LRFN5: variants seen among roughly 807,000 people sequenced by gnomAD.
The protein encoded by LRFN5 is leucine-rich repeat and fibronectin type-III domain-containing protein 5.
A neutral mutation model predicts 45.6 loss-of-function variants in LRFN5; 24 were observed. The ratio of observed to expected loss-of-function variants is 0.53; its 90% CI spans 0.38 to 0.74. The LOEUF (loss-of-function observed/expected upper bound fraction) is 0.74. Ranked by LOEUF, LRFN5 falls within the 30% of genes least tolerant of loss-of-function variation. The pLI is 0.00. For synonymous variants in LRFN5, 340 were observed against 313.8 expected, an observed-to-expected ratio of 1.08 and a Z score of -0.88; for missense variants, 776 against 861.5, an observed-to-expected ratio of 0.90 and a Z score of 1.24.
At chr14:41,700,243 A>G (rs938691082) in intron 1 of LRFN5, 1 of 152,100 alleles carries the variant, frequency 6.6e-6, no homozygotes, top group Non-Finnish European at 1.5e-5. Flanking sequence ...TTGACTATTA[A>G]TATTAGGAGA....
chr14:41,878,118 G>C (rs1243107085), intron 2 of LRFN5, among the ~76,000 whole-genome samples: 1 of 151,972 alleles, frequency 6.6e-6, no homozygotes, highest in Non-Finnish European at 1.5e-5. Flanking sequence ...AAAAAAGTTA[G>C]ACAGAAAACC....
intron 4 of LRFN5, chr14:41,892,331 A>G (rs34852277): frequency 1.0e-3 from 1,001 of 973,876 alleles, no homozygotes; most frequent in Non-Finnish European, 1.1e-3. Context: ...ATATGTATGT[A>G]TGTATATGTA....
At chr14:41,894,418 A>G in intron 4 of LRFN5, 1 of 887,310 alleles carries the variant, frequency 1.1e-6, no homozygotes. Flanking sequence ...GATTTAATAT[A>G]TTTTTAATAT....
intron 1 of LRFN5, among the ~76,000 whole-genome samples, chr14:41,756,054 G>T (rs1307306479): frequency 6.6e-6 from 1 of 152,060 alleles, no homozygotes; most frequent in Non-Finnish European, 1.5e-5. Flanking sequence ...TGGAATTCTG[G>T]GTTGAAAATT....
chr14:41,635,478 T>C (rs1879260483), intron 1 of LRFN5, among the ~76,000 whole-genome samples: 1 of 152,124 alleles, frequency 6.6e-6, no homozygotes, highest in South Asian at 2.1e-4. Flanking sequence ...GTTATATCCT[T>C]GAGAACTACA....
intron 1 of LRFN5, among the ~76,000 whole-genome samples, chr14:41,715,390 G>A (rs1433086695): frequency 6.6e-6 from 1 of 152,122 alleles, no homozygotes; most frequent in African/African-American, 2.4e-5. Context: ...TAACAATGTA[G>A]AACATTCTAT....
chr14:41,897,962 G>A (rs1456928387), intron 4 of LRFN5, among the ~76,000 whole-genome samples: 1 of 151,898 alleles, frequency 6.6e-6, no homozygotes, highest in Non-Finnish European at 1.5e-5. Flanking sequence ...GTAAAATCAA[G>A]GAGCTTATGA....
intron 1 of LRFN5, among the ~76,000 whole-genome samples, chr14:41,638,193 G>T (rs1432017316): frequency 6.6e-6 from 1 of 151,930 alleles, no homozygotes; most frequent in Non-Finnish European, 1.5e-5. Context: ...GGACCTCCAG[G>T]ATTTCTGCCA....
At chr14:41,778,774 T>A (rs904341335) in intron 2 of LRFN5, among the ~76,000 whole-genome samples, 1 of 151,770 alleles carries the variant, frequency 6.6e-6, no homozygotes, top group Non-Finnish European at 1.5e-5. Context: ...ACCATTTCTT[T>A]GTTTTTTTAG....
chr14:41,797,892 T>C (rs1183304617), intron 2 of LRFN5, among the ~76,000 whole-genome samples: 2 of 151,946 alleles, frequency 1.3e-5, no homozygotes, highest in Non-Finnish European at 2.9e-5. Flanking sequence ...TTTTTAATGT[T>C]TGGATTTCTT....
chr14:41,623,306 G>A lies in LRFN5; in HGVS notation c.-197+14744G>A, dbSNP rs187595237. 2.2e-3 allele frequency among the ~76,000 whole-genome samples: 332 copies of A among 152,166 alleles called. 1 individual carries two copies. The highest frequency in any genetic ancestry group is 7.4e-3 in the African/African-American group (306 of 41,520). On this transcript the variant is annotated intron_variant, in intron 1 of 5. Coordinates refer to ENST00000298119, the MANE Select transcript of LRFN5 (RefSeq NM_152447.5). ...TCCCATACCTGCCACCTTGTGAAGCGGCTGCTTTGCTTTCCCGTAACTTTC... is the reference window on the plus strand; with the variant it reads ...TCCCATACCTGCCACCTTGTGAAGCAGCTGCTTTGCTTTCCCGTAACTTTC...
intron 1 of LRFN5, among the ~76,000 whole-genome samples, chr14:41,649,070 A>G (rs1879959008): frequency 6.6e-6 from 1 of 152,040 alleles, no homozygotes; most frequent in African/African-American, 2.4e-5. Context: ...CGTCTCTACT[A>G]AAAAAATACA....
At chr14:41,846,297 A>G (rs1378168160) in intron 2 of LRFN5, among the ~76,000 whole-genome samples, 1 of 152,138 alleles carries the variant, frequency 6.6e-6, no homozygotes, top group Non-Finnish European at 1.5e-5. Flanking sequence ...ATATTTGCAT[A>G]TATTTACAAA....
intron 1 of LRFN5, among the ~76,000 whole-genome samples, chr14:41,754,337 T>A (rs1183862567): frequency 6.6e-6 from 1 of 152,180 alleles, no homozygotes; most frequent in African/African-American, 2.4e-5. Flanking sequence ...TTAGAAGGAA[T>A]GGTACCAGCT....
At position 41,856,675 on chromosome 14, in the gene LRFN5, A is replaced by ATTATTATTATTATTTTTTTTTTTTTT; in HGVS notation, c.-20-29929_-20-29928insATTATTATTATTTTTTTTTTTTTTTT. Among the ~76,000 whole-genome samples the ATTATTATTATTATTTTTTTTTTTTTT allele has an allele frequency of 1.9e-3, 34 of 18,324 alleles. 1 individual carries two copies. Among genetic ancestry groups the ATTATTATTATTATTTTTTTTTTTTTT allele is most frequent in the Admixed American group, 6.1e-3 (5 of 822 alleles). The allele number at this position is 18,324 out of a possible 152,430, so 12.0% of individuals were successfully genotyped here. On this transcript the variant is annotated intron_variant, in intron 2 of 5. Transcript: ENST00000298119. ...TTCTTTCCTAATTATTATTATTATT[A>ATTATTATTATTATTTTTTTTTTTTTT]TTTTTTTTTTTTTTTTTTTGAGACG...
intron 2 of LRFN5, among the ~76,000 whole-genome samples, chr14:41,810,132 T>A (rs1887686371): frequency 6.6e-6 from 1 of 152,088 alleles, no homozygotes; most frequent in Non-Finnish European, 1.5e-5. Context: ...TATGACATAA[T>A]TGTAGACCAA....
chr14:41,652,928 G>C (rs775077552), intron 1 of LRFN5, among the ~76,000 whole-genome samples: 1 of 152,004 alleles, frequency 6.6e-6, no homozygotes, highest in Non-Finnish European at 1.5e-5. Context: ...TGTTGAGAGT[G>C]TTTTAGATGA....
chr14:41,628,473 A>T (rs117997372), intron 1 of LRFN5, among the ~76,000 whole-genome samples: 1 of 152,076 alleles, frequency 6.6e-6, no homozygotes, highest in Non-Finnish European at 1.5e-5. Context: ...GTGTGGTGGC[A>T]TGCACCTGTA....
At chr14:41,686,171 A>G (rs1291218960) in intron 1 of LRFN5, among the ~76,000 whole-genome samples, 1 of 151,974 alleles carries the variant, frequency 6.6e-6, no homozygotes, top group East Asian at 2.0e-4. Flanking sequence ...CTCCTTGAAG[A>G]GGCCCTTCAC....
Sources: gnomAD v4.1 joint callset for allele counts (sites outside exome capture counted in the v4.1 genomes callset) on GRCh38, gnomAD v4.1.1 for gene constraint, MANE v1.5 for transcripts, NCBI Gene and HGNC (gene_info 2026-07-23, HGNC 2026-07-21) for gene names.